RAB3GAP1: variants seen among roughly 807,000 people sequenced by gnomAD.
RAB3GAP1 encodes the protein RAB3 GTPase activating protein catalytic subunit 1.
A neutral mutation model predicts 130.7 loss-of-function variants in RAB3GAP1; 86 were observed. The observed-to-expected ratio is 0.66, with a 90% confidence interval of 0.55 to 0.79. The LOEUF (loss-of-function observed/expected upper bound fraction) is 0.79, where lower values mean the gene tolerates loss of function less well. Ranked by LOEUF, RAB3GAP1 falls within the 30% of genes least tolerant of loss-of-function variation. RAB3GAP1 has a pLI of 0.00. For missense variants in RAB3GAP1, 1,029 were observed against 1,169.4 expected (o/e 0.88, Z 1.75); for synonymous variants, 367 against 401.7 (o/e 0.91, Z 1.03).
chr2:135,109,267 G>A (rs955217158), intron 5 of RAB3GAP1, among the ~76,000 whole-genome samples: 1 of 152,000 alleles, frequency 6.6e-6, no homozygotes, highest in African/African-American at 2.4e-5. Context: ...AAGTTGGAAA[G>A]AACTAATATC....
Position 135,120,936 on chromosome 2 carries a change from T to C in RAB3GAP1, c.748+18T>C, listed in dbSNP as rs201480336. The C allele has an allele frequency of 3.4e-6, 5 of 1,471,210 alleles. No individual in the cohort carries two copies. The highest frequency in any genetic ancestry group is 4.8e-6 in the Non-Finnish European group (5 of 1,050,004). The allele number at this position is 1,471,210 out of a possible 1,614,324, so 91.1% of individuals were successfully genotyped here. A position where few individuals can be genotyped will look rare whatever the true frequency, so the allele number is the denominator to read the frequency against. On this transcript the variant is annotated intron_variant, in intron 8 of 23. Coordinates refer to ENST00000264158, the MANE Select transcript of RAB3GAP1 (RefSeq NM_012233.3). ...ACCTCCAGGTGAGATCATTTAGAAC[T>C]ATATTTAACTTACTGAATATAAATG... is the stretch of plus-strand genomic sequence containing the variant.
At chr2:135,081,907 G>A (rs1046734854) in intron 3 of RAB3GAP1, among the ~76,000 whole-genome samples, 10 of 152,018 alleles carry the variant, frequency 6.6e-5, no homozygotes, top group Admixed American at 2.0e-4. Flanking sequence ...TTGAGAGGCC[G>A]AGACGGGTGG....
At chr2:135,137,375 T>C (rs1311077792) in intron 17 of RAB3GAP1, 3 of 176,256 alleles carry the variant, frequency 1.7e-5, no homozygotes, top group Non-Finnish European at 3.6e-5. Flanking sequence ...CTAAAGTAAA[T>C]TGGTTGAAGA....
intron 5 of RAB3GAP1, among the ~76,000 whole-genome samples, chr2:135,103,235 A>C (rs1266171374): frequency 6.6e-6 from 1 of 151,432 alleles, no homozygotes; most frequent in Non-Finnish European, 1.5e-5. Flanking sequence ...TGGGGTTTCA[A>C]TGTGTTGCCC....
Position 135,162,857 on chromosome 2 carries a change from T to C in RAB3GAP1, c.2490+6T>C. ...CAGAAGACAAGAAATTGGAAGTAAGTTTGATGTAGTGTCAGAATCTTGCCA... is the reference window on the plus strand; with the variant it reads ...CAGAAGACAAGAAATTGGAAGTAAGCTTGATGTAGTGTCAGAATCTTGCCA... On this transcript the variant is annotated splice_donor_region_variant and intron_variant, in intron 21 of 23. Coordinates refer to ENST00000264158, the MANE Select transcript of RAB3GAP1 (RefSeq NM_012233.3). 2 of 1,603,592 alleles carry C rather than the reference T, an allele frequency of 1.2e-6. No individual in the cohort carries two copies. Among genetic ancestry groups the C allele is most frequent in the Non-Finnish European group, 1.7e-6 (2 of 1,170,466 alleles).
intron 11 of RAB3GAP1, among the ~76,000 whole-genome samples, chr2:135,129,481 T>G (rs1691465088): frequency 1.3e-5 from 2 of 151,254 alleles, no homozygotes; most frequent in African/African-American, 4.8e-5. Context: ...AAATAAAAAA[T>G]AATAGTAATA....
intron 7 of RAB3GAP1, among the ~76,000 whole-genome samples, chr2:135,117,371 G>A (rs1468926408): frequency 1.3e-5 from 2 of 151,256 alleles, no homozygotes; most frequent in African/African-American, 4.9e-5. Flanking sequence ...AAAATTTTTA[G>A]ATCAAGTTTC....
In RAB3GAP1 at chr2:135,124,002, A is replaced by G. The variant is rs895300903; in HGVS notation, c.749-163A>G. ...ACTGTAACATTCTCTGGGGAAGTCA[A>G]ATATTGTTAGACTACATATGCTGTA... On this transcript the variant is annotated intron_variant, in intron 8 of 23. Coordinates refer to ENST00000264158, the MANE Select transcript of RAB3GAP1 (RefSeq NM_012233.3). 4.8e-6 allele frequency: 3 copies of G among 627,198 alleles called. No individual in the cohort carries two copies. In the African/African-American group the frequency reaches 5.5e-5, roughly 12 times the overall value. 38.9% of individuals were successfully genotyped at this position (627,198 alleles called of 1,614,324 possible). A position where few individuals can be genotyped will look rare whatever the true frequency, so the allele number is the denominator to read the frequency against.
intron 5 of RAB3GAP1, among the ~76,000 whole-genome samples, chr2:135,107,806 C>T (rs888523993): frequency 6.6e-6 from 1 of 151,708 alleles, no homozygotes; most frequent in African/African-American, 2.4e-5. Context: ...AACCCCGTCT[C>T]TACTAAAAAT....
At chr2:135,075,369 C>T (rs1290067396) in intron 3 of RAB3GAP1, among the ~76,000 whole-genome samples, 2 of 152,084 alleles carry the variant, frequency 1.3e-5, no homozygotes, top group African/African-American at 2.4e-5. Flanking sequence ...TTCAGAACAA[C>T]TTTTAACAGT....
intron 17 of RAB3GAP1, among the ~76,000 whole-genome samples, chr2:135,141,451 C>T (rs75567998): frequency 6.6e-6 from 1 of 151,896 alleles, no homozygotes; most frequent in Admixed American, 6.6e-5. Context: ...GTCTCGAACT[C>T]CTGACCTCGT....
chr2:135,108,282 A>G (rs1690690951), intron 5 of RAB3GAP1, among the ~76,000 whole-genome samples: 1 of 152,140 alleles, frequency 6.6e-6, no homozygotes, highest in Non-Finnish European at 1.5e-5. Flanking sequence ...TGCAATTGTG[A>G]CATTTTAATT....
In RAB3GAP1 at chr2:135,169,558, C is replaced by A; in HGVS notation, c.*777C>A. 1 of 246,498 alleles carries A rather than the reference C, an allele frequency of 4.1e-6. No individual in the cohort carries two copies. Among genetic ancestry groups the A allele is most frequent in the Non-Finnish European group, 8.2e-6 (1 of 121,330 alleles). 15.3% of individuals were successfully genotyped at this position (246,498 alleles called of 1,614,324 possible). Reference sequence around the variant, plus strand: ...TCCCCTTCTCTTGCTGTACAGCATGCGTTCTCTTTTTGTGGTTGCTGGCTG... The same window carrying A: ...TCCCCTTCTCTTGCTGTACAGCATGAGTTCTCTTTTTGTGGTTGCTGGCTG... On this transcript the variant is annotated 3_prime_UTR_variant, in exon 24 of 24. Coordinates refer to ENST00000264158, the MANE Select transcript of RAB3GAP1 (RefSeq NM_012233.3).
chr2:135,119,882 A>C (rs1691145610), intron 7 of RAB3GAP1, among the ~76,000 whole-genome samples: 1 of 152,236 alleles, frequency 6.6e-6, no homozygotes, highest in African/African-American at 2.4e-5. Context: ...GTTTAGATTA[A>C]GCATTATGAA....
At chr2:135,144,302 A>AGGGTGGTCTCCCACCTGAAGTC (rs1390614445) in intron 17 of RAB3GAP1, among the ~76,000 whole-genome samples, 1 of 151,898 alleles carries the variant, frequency 6.6e-6, no homozygotes, top group East Asian at 1.9e-4. Context: ...AGGGGCTGCG[A>AGGGTGGTCTCCCACCTGAAGTC]GGGTGGTCTC....
intron 19 of RAB3GAP1, among the ~76,000 whole-genome samples, chr2:135,156,646 A>T (rs1032469607): frequency 6.6e-6 from 1 of 152,188 alleles, no homozygotes; most frequent in African/African-American, 2.4e-5. Context: ...TAAAATCAGA[A>T]AATATATAGA....
At chr2:135,162,522 G>T in intron 19 of RAB3GAP1, 33 bp from the exon 20 acceptor site, 1 of 1,539,590 alleles carries the variant, frequency 6.5e-7, no homozygotes, top group South Asian at 1.1e-5. Context: ...TGACACCTGC[G>T]CTGATCATTT....
chr2:135,056,027 G>A (rs948050135), intron 2 of RAB3GAP1, among the ~76,000 whole-genome samples: 1 of 151,284 alleles, frequency 6.6e-6, no homozygotes, highest in East Asian at 2.0e-4. Flanking sequence ...TAGTAGTGGC[G>A]GGGTTTCACT....
intron 13 of RAB3GAP1, 92 bp downstream of exon 13, chr2:135,130,813 G>C: frequency 8.3e-7 from 1 of 1,207,130 alleles, no homozygotes; most frequent in Non-Finnish European, 1.2e-6. Flanking sequence ...AGTGACCTTG[G>C]AATATACAAT....
Sources: allele counts gnomAD v4.1 joint callset (sites outside exome capture counted in the v4.1 genomes callset), GRCh38; gene constraint gnomAD v4.1.1; transcripts MANE v1.5; gene names NCBI Gene and HGNC (gene_info 2026-07-23, HGNC 2026-07-21).